DDX60L: variants seen among roughly 807,000 people sequenced by gnomAD.
The protein encoded by DDX60L is DExD/H-box 60 like.
A neutral mutation model predicts 211.6 loss-of-function variants in DDX60L; 191 were observed. The observed-to-expected ratio is 0.90, with a 90% CI of 0.80 to 1.02. The LOEUF (loss-of-function observed/expected upper bound fraction) is 1.02. Among genes scored for constraint, DDX60L ranks in the 50% least tolerant of loss-of-function variants. The probability of loss-of-function intolerance (pLI) is 0.00; values close to 1 mark genes in which losing one functional copy is unlikely to be tolerated. For synonymous variants in DDX60L, 706 were observed against 694.1 expected (o/e 1.02, Z -0.27); for missense variants, 2,007 against 1,984.1 (o/e 1.01, Z -0.22).
At chr4:168,423,570 G>T in intron 15 of DDX60L, 38 bp downstream of exon 15, 2 of 1,285,774 alleles carry the variant, frequency 1.6e-6, no homozygotes, top group Non-Finnish European at 2.1e-6. Flanking sequence ...TTAAAATTGA[G>T]TAAAAATTTA....
Position 168,423,678 on chromosome 4 carries a change from T to G in DDX60L, c.2027A>C (p.His676Pro). ...RYPEILEAEH[H>P]QYIAKCLKYL... ...TTTAAGGCATTTAGCTATATATTGA[T>G]GATGTTCTGCTTCCAAAATTTCTGG... The change falls in exon 15 of 38, where the codon CAT (histidine) becomes CCT (proline). Residue 676 changes from histidine (H) to proline (P), a missense_variant. By Grantham distance (77) the His-to-Pro change is moderately conservative. Coordinates refer to ENST00000682922, the MANE Select transcript of DDX60L (RefSeq NM_001012967.3). 2 of 1,605,654 alleles carry G rather than the reference T, an allele frequency of 1.2e-6. No homozygotes were observed. Among genetic ancestry groups the G allele is most frequent in the Non-Finnish European group, 1.7e-6 (2 of 1,175,910 alleles).
chr4:168,469,992 G>C (rs1392337184), intron 4 of DDX60L: 1 of 152,112 alleles, frequency 6.6e-6, no homozygotes, highest in Non-Finnish European at 1.5e-5. Context: ...AAAAGATAAA[G>C]AACCCAATTT....
At chr4:168,392,393 T>C (rs527461505) in intron 28 of DDX60L, among the ~76,000 whole-genome samples, 1 of 152,306 alleles carries the variant, frequency 6.6e-6, no homozygotes, top group Admixed American at 6.5e-5. Context: ...AATTATTTAA[T>C]GATAAAGAGT....
At chr4:168,427,437 T>G (rs1444189413) in intron 13 of DDX60L, 115 bp from the exon 14 acceptor site, 2 of 1,145,692 alleles carry the variant, frequency 1.7e-6, no homozygotes, top group African/African-American at 3.1e-5. Flanking sequence ...ATTCTACTCG[T>G]GCACAGGCAA....
At position 168,378,340 on chromosome 4, in the gene DDX60L, A is replaced by G; in HGVS notation, c.4485+14T>C. On this transcript the variant is annotated intron_variant, in intron 33 of 37. Transcript: ENST00000682922. ...CTATCATTATTATATCATTGTAAGT[A>G]TAACAAACTTTACCTTTGACTGAGA... 2 of 1,323,338 alleles carry G rather than the reference A, an allele frequency of 1.5e-6. No individual in the cohort carries two copies. Among genetic ancestry groups the G allele is most frequent in the Non-Finnish European group, 1.1e-6 (1 of 944,994 alleles). 82.0% of individuals were successfully genotyped at this position (1,323,338 alleles called of 1,614,324 possible). A position where few individuals can be genotyped will look rare whatever the true frequency, so the allele number is the denominator to read the frequency against.
chr4:168,475,131 T>C (rs1759301291), intron 1 of DDX60L, among the ~76,000 whole-genome samples: 1 of 152,192 alleles, frequency 6.6e-6, no homozygotes, highest in Non-Finnish European at 1.5e-5. Context: ...TACAACTAAC[T>C]AGTTGTGTGG....
chr4:168,416,210 G>T (rs1207922316), intron 20 of DDX60L, among the ~76,000 whole-genome samples: 1 of 152,128 alleles, frequency 6.6e-6, no homozygotes, highest in Non-Finnish European at 1.5e-5. Flanking sequence ...CATCTGCAAG[G>T]TCAATGACTG....
chr4:168,456,252 T>C (rs1756556976), intron 6 of DDX60L, 100 bp from the exon 7 acceptor site: 1 of 570,160 alleles, frequency 1.8e-6, no homozygotes, highest in Non-Finnish European at 2.8e-6. Flanking sequence ...AACGATTGTA[T>C]AGATTTGACT....
intron 1 of DDX60L, among the ~76,000 whole-genome samples, chr4:168,479,691 G>T (rs1479939169): frequency 2.0e-5 from 3 of 152,066 alleles, no homozygotes; most frequent in African/African-American, 7.2e-5. Flanking sequence ...AAATCCGGCC[G>T]GGCGCGGTGG....
chr4:168,370,509 G>GT (rs1000591142), intron 36 of DDX60L, among the ~76,000 whole-genome samples: 9 of 152,104 alleles, frequency 5.9e-5, no homozygotes, highest in Non-Finnish European at 1.3e-4. Context: ...AAGTTCTAGT[G>GT]TTTTATTGCA....
chr4:168,365,514 G>C (rs1316840894), intron 36 of DDX60L, among the ~76,000 whole-genome samples: 1 of 149,252 alleles, frequency 6.7e-6, no homozygotes, highest in African/African-American at 2.5e-5. Flanking sequence ...AGAAGAAATT[G>C]AACTAGTAAT....
chr4:168,422,538 G>T lies in DDX60L; in HGVS notation c.2230C>A (p.Pro744Thr). The stretch of plus-strand genomic sequence containing the variant: ...GTTGTCATTACCTGCCATGCGTTGG[G>T]AATAAAATCCTGGACCCTGGGATCC... ...DRDPRVQDFIPNAWQQELLDV... is the reference protein window; with the variant it reads ...DRDPRVQDFITNAWQQELLDV... Residue 744 changes from proline to threonine, a missense_variant, in exon 16 of 38, where the codon CCC (proline) becomes ACC (threonine). By Grantham distance (38) the Pro-to-Thr change is conservative. Transcript: ENST00000682922. 2 of 1,610,562 alleles carry T rather than the reference G, an allele frequency of 1.2e-6. No homozygotes were observed. Among genetic ancestry groups the T allele is most frequent in the Non-Finnish European group, 1.7e-6 (2 of 1,179,024 alleles).
intron 37 of DDX60L, 149 bp from the exon 38 acceptor site, chr4:168,358,425 C>G: frequency 1.7e-6 from 1 of 575,734 alleles, no homozygotes. Context: ...ATAAAATGCA[C>G]AGTTATCTTG....
intron 36 of DDX60L, among the ~76,000 whole-genome samples, chr4:168,364,081 C>G (rs1739546088): frequency 1.3e-5 from 2 of 152,096 alleles, no homozygotes; most frequent in African/African-American, 4.8e-5. Context: ...GATTGTGCCA[C>G]TGTACTCCAG....
At chr4:168,476,743 T>C (rs1181730772) in intron 1 of DDX60L, among the ~76,000 whole-genome samples, 1 of 152,224 alleles carries the variant, frequency 6.6e-6, no homozygotes, top group African/African-American at 2.4e-5. Flanking sequence ...TTAAGAATTA[T>C]CACTGAGAAG....
chr4:168,405,672 T>C (rs1747625065), intron 24 of DDX60L, among the ~76,000 whole-genome samples: 1 of 152,198 alleles, frequency 6.6e-6, no homozygotes. Context: ...GGTTCTCCTG[T>C]TAAAGTTAAA....
chr4:168,379,691 G>A (rs1253939604), intron 31 of DDX60L, 35 bp downstream of exon 31: 8 of 1,534,996 alleles, frequency 5.2e-6, no homozygotes, highest in East Asian at 4.5e-5. Context: ...CACGGTACTA[G>A]TTACAGAGAA....
intron 33 of DDX60L, among the ~76,000 whole-genome samples, chr4:168,376,855 A>C (rs1422204226): frequency 6.6e-6 from 1 of 152,256 alleles, no homozygotes; most frequent in Non-Finnish European, 1.5e-5. Context: ...GCTATAGTTT[A>C]CACATATTTA....
intron 24 of DDX60L, among the ~76,000 whole-genome samples, chr4:168,404,481 A>C (rs142074801): frequency 1.2e-3 from 179 of 152,174 alleles, no homozygotes; most frequent in African/African-American, 4.1e-3. Context: ...AGTATATAAA[A>C]CCTATAATGG....
Sources: allele counts gnomAD v4.1 joint callset (sites outside exome capture counted in the v4.1 genomes callset), GRCh38; gene constraint gnomAD v4.1.1; transcripts MANE v1.5; gene names NCBI Gene and HGNC (gene_info 2026-07-23, HGNC 2026-07-21).